PIAS1: variants seen among roughly 807,000 people sequenced by gnomAD.
PIAS1 encodes protein inhibitor of activated STAT 1.
In PIAS1, 6 loss-of-function variants were observed where a neutral mutation model predicts 71.3. The observed-to-expected ratio is 0.08, with a 90% CI of 0.05 to 0.17. PIAS1 has a LOEUF of 0.17. PIAS1 is among the 10% of genes least tolerant of loss of function. PIAS1 has a pLI of 1.00. For missense variants in PIAS1, 555 were observed against 793.6 expected (o/e 0.70, Z 3.61); for synonymous variants, 303 against 292.9 (o/e 1.03, Z -0.35).
rs545862038 is a variant in PIAS1 at position 68,191,824 on chromosome 15, G to GGTA, written c.*3991_*3993dup. The GGTA allele has an allele frequency of 4.6e-5, 7 of 152,296 alleles. 1 individual carries two copies. The highest frequency in any genetic ancestry group is 4.6e-4 in the Admixed American group (7 of 15,298). 9.4% of individuals were successfully genotyped at this position (152,296 alleles called of 1,614,324 possible). ...GGAGTAAGGTAACAGCCCTTCCTCG[G>GGTA]GTAGAGGTTTGAATCAAACACTTAA... On this transcript the variant is annotated 3_prime_UTR_variant, in exon 14 of 14. Coordinates refer to ENST00000249636, the MANE Select transcript of PIAS1 (RefSeq NM_016166.3).
At chr15:68,139,552 G>T (rs1210705631) in intron 2 of PIAS1, among the ~76,000 whole-genome samples, 4 of 152,134 alleles carry the variant, frequency 2.6e-5, no homozygotes, top group Admixed American at 2.6e-4. Context: ...GATGATGTGT[G>T]TGCTAATTCC....
At chr15:68,147,219 A>G (rs2092813978) in intron 6 of PIAS1, among the ~76,000 whole-genome samples, 1 of 152,184 alleles carries the variant, frequency 6.6e-6, no homozygotes, top group African/African-American at 2.4e-5. Context: ...GTGTTGTACA[A>G]ATTTATTCTC....
At chr15:68,108,464 G>C (rs1457746850) in intron 2 of PIAS1, among the ~76,000 whole-genome samples, 1 of 151,664 alleles carries the variant, frequency 6.6e-6, no homozygotes, top group South Asian at 2.1e-4. Flanking sequence ...GTCTTTCCTC[G>C]TTCTTCCTCT....
intron 2 of PIAS1, among the ~76,000 whole-genome samples, chr15:68,114,084 G>A (rs1049135231): frequency 6.6e-6 from 1 of 150,674 alleles, no homozygotes; most frequent in Non-Finnish European, 1.5e-5. Flanking sequence ...ATAGTATATT[G>A]GTTTTGTATA....
chr15:68,101,259 T>C (rs570174496), intron 2 of PIAS1, among the ~76,000 whole-genome samples: 1 of 152,292 alleles, frequency 6.6e-6, no homozygotes, highest in Non-Finnish European at 1.5e-5. Context: ...ATCCTTTTAT[T>C]TGTTTATTTG....
At chr15:68,179,039 G>A (rs1769533558) in intron 11 of PIAS1, among the ~76,000 whole-genome samples, 1 of 152,162 alleles carries the variant, frequency 6.6e-6, no homozygotes, top group African/African-American at 2.4e-5. Context: ...CAAGAAACTT[G>A]AAAGTTTACA....
At chr15:68,072,399 C>CAAAAAAAAAAAAA (rs1166484451) in intron 1 of PIAS1, among the ~76,000 whole-genome samples, 2 of 25,026 alleles carry the variant, frequency 8.0e-5, no homozygotes, top group African/African-American at 2.7e-4. Flanking sequence ...GACTCCATCT[C>CAAAAAAAAAAAAA]AAAAAAAAAA....
intron 2 of PIAS1, among the ~76,000 whole-genome samples, chr15:68,135,000 G>A (rs1368968989): frequency 2.0e-5 from 1 of 49,078 alleles, no homozygotes; most frequent in African/African-American, 4.2e-5. Flanking sequence ...CGGACGGGGC[G>A]GCTGGCCGGG....
chr15:68,135,673 C>G (rs1314814572), intron 2 of PIAS1, among the ~76,000 whole-genome samples: 8 of 66,832 alleles, frequency 1.2e-4, no homozygotes, highest in Non-Finnish European at 1.3e-4. Context: ...CGGGGGCTGA[C>G]CCCCACCTCC....
At chr15:68,070,759 A>G (rs1190795847) in intron 1 of PIAS1, among the ~76,000 whole-genome samples, 3 of 152,220 alleles carry the variant, frequency 2.0e-5, no homozygotes, top group African/African-American at 7.2e-5. Flanking sequence ...TTAAGTAAAT[A>G]TATATCATTA....
intron 1 of PIAS1, among the ~76,000 whole-genome samples, chr15:68,060,836 A>C (rs893621178): frequency 2.0e-5 from 3 of 152,222 alleles, no homozygotes; most frequent in Non-Finnish European, 2.9e-5. Flanking sequence ...GGCATGCGCC[A>C]CTGCGCCCAG....
intron 8 of PIAS1, among the ~76,000 whole-genome samples, chr15:68,166,245 A>C (rs1170015530): frequency 1.3e-5 from 2 of 151,900 alleles, no homozygotes; most frequent in Non-Finnish European, 2.9e-5. Flanking sequence ...CAGGCTTTTT[A>C]TATTAGTGTT....
chr15:68,138,391 G>A (rs542332926), intron 2 of PIAS1, among the ~76,000 whole-genome samples: 1 of 152,224 alleles, frequency 6.6e-6, no homozygotes, highest in South Asian at 2.1e-4. Flanking sequence ...ATTGGGATAG[G>A]CCAATACAGA....
At chr15:68,079,397 A>G (rs1304486374) in intron 1 of PIAS1, among the ~76,000 whole-genome samples, 1 of 152,176 alleles carries the variant, frequency 6.6e-6, no homozygotes, top group Non-Finnish European at 1.5e-5. Flanking sequence ...ACCTCTGCAT[A>G]AGAAGTCTGG....
intron 1 of PIAS1, among the ~76,000 whole-genome samples, chr15:68,078,810 A>G (rs527712580): frequency 1.3e-5 from 2 of 152,342 alleles, no homozygotes; most frequent in South Asian, 4.1e-4. Context: ...CTGGTACATT[A>G]TAAGTATTTA....
chr15:68,189,246 T>C lies in PIAS1; in HGVS notation c.*1411T>C, dbSNP rs2093107149. The C allele has an allele frequency of 6.6e-6, 1 of 152,198 alleles. No homozygotes were observed. The highest frequency in any genetic ancestry group is 1.5e-5 in the Non-Finnish European group (1 of 68,026). 9.4% of individuals were successfully genotyped at this position (152,198 alleles called of 1,614,324 possible). A position where few individuals can be genotyped will look rare whatever the true frequency, so the allele number is the denominator to read the frequency against. On this transcript the variant is annotated 3_prime_UTR_variant, in exon 14 of 14. Coordinates refer to ENST00000249636, the MANE Select transcript of PIAS1 (RefSeq NM_016166.3). ...AGGGAAGGAAAAGTGGTTCTACTAA[T>C]GTTCCAAAATCCTCATCAGAGAAGG...
At chr15:68,098,855 A>C (rs534387603) in intron 2 of PIAS1, among the ~76,000 whole-genome samples, 1 of 152,314 alleles carries the variant, frequency 6.6e-6, no homozygotes, top group African/African-American at 2.4e-5. Context: ...GATATATATC[A>C]CTATGCACTT....
intron 5 of PIAS1, among the ~76,000 whole-genome samples, chr15:68,146,320 G>A (rs1353264827): frequency 2.6e-5 from 4 of 152,104 alleles, no homozygotes; most frequent in Non-Finnish European, 5.9e-5. Flanking sequence ...AATTCATCCT[G>A]ATTTTTAAAT....
intron 1 of PIAS1, among the ~76,000 whole-genome samples, chr15:68,081,812 A>G (rs552015419): frequency 6.6e-6 from 1 of 152,088 alleles, no homozygotes; most frequent in African/African-American, 2.4e-5. Flanking sequence ...ACACAAAGAC[A>G]TGGAAGGAAG....
Sources: allele counts gnomAD v4.1 joint callset (sites outside exome capture counted in the v4.1 genomes callset), GRCh38; gene constraint gnomAD v4.1.1; transcripts MANE v1.5; gene names NCBI Gene and HGNC (gene_info 2026-07-23, HGNC 2026-07-21).